ARHGAP39: variants seen among roughly 807,000 people sequenced by gnomAD.
The protein encoded by ARHGAP39 is rho GTPase-activating protein 39.
In ARHGAP39, 44 loss-of-function variants were observed where a neutral mutation model predicts 106.9. That is an observed-to-expected ratio of 0.41 (90% CI 0.32 to 0.53). The LOEUF is 0.53. Ranked by LOEUF, ARHGAP39 falls within the 20% of genes least tolerant of loss-of-function variation. The pLI is 0.21. For missense variants in ARHGAP39, 1,496 were observed against 1,577.3 expected (o/e 0.95, Z 0.87); for synonymous variants, 768 against 693.2 (o/e 1.11, Z -1.69).
chr8:144,541,365 G>A (rs1235177205), intron 6 of ARHGAP39, among the ~76,000 whole-genome samples: 3 of 151,914 alleles, frequency 2.0e-5, no homozygotes, highest in Non-Finnish European at 4.4e-5. Flanking sequence ...CTTTTTCTTT[G>A]TGTTTTTAAA....
intron 1 of ARHGAP39, among the ~76,000 whole-genome samples, chr8:144,656,194 G>GAAAAAAAA (rs58292458): frequency 9.7e-6 from 1 of 103,558 alleles, no homozygotes. Flanking sequence ...AGCAAATAAG[G>GAAAAAAAA]AAAAAAAAAA....
intron 2 of ARHGAP39, among the ~76,000 whole-genome samples, chr8:144,593,380 G>A (rs1174644060): frequency 6.6e-6 from 1 of 152,118 alleles, no homozygotes; most frequent in Non-Finnish European, 1.5e-5. Flanking sequence ...ACGTCTACCT[G>A]CAAACAAATG....
chr8:144,694,605 G>A, the ARHGAP39 span, among the ~76,000 whole-genome samples: 1 of 152,212 alleles, frequency 6.6e-6, no homozygotes, highest in South Asian at 2.1e-4. Context: ...CCAGATCTCT[G>A]GCTTTTAACA....
intron 3 of ARHGAP39, among the ~76,000 whole-genome samples, chr8:144,561,264 CCCAGTGGTTTCCATCACACT>C (rs1818136350): frequency 2.3e-5 from 3 of 129,508 alleles, no homozygotes; most frequent in Admixed American, 7.1e-5. Flanking sequence ...TCCATCAGAC[CCCAGTGGTTTCCATCACACT>C]CCAGTGGTTT....
chr8:144,638,402 T>C (rs1821229249), intron 1 of ARHGAP39, among the ~76,000 whole-genome samples: 1 of 152,250 alleles, frequency 6.6e-6, no homozygotes. Context: ...CTTTCATCAG[T>C]TACAAAATAT....
At chr8:144,663,768 C>T (rs1312616563) in intron 1 of ARHGAP39, among the ~76,000 whole-genome samples, 1 of 152,220 alleles carries the variant, frequency 6.6e-6, no homozygotes, top group Non-Finnish European at 1.5e-5. Flanking sequence ...TCCAATACTT[C>T]AGGCTCATAA....
chr8:144,562,966 T>C (rs1383153094), intron 3 of ARHGAP39, among the ~76,000 whole-genome samples: 1 of 152,284 alleles, frequency 6.6e-6, no homozygotes, highest in Admixed American at 6.5e-5. Flanking sequence ...GGAGTCAATA[T>C]TGAGCTTGAA....
At chr8:144,675,192 CCAA>C (rs1563733599) in intron 1 of ARHGAP39, among the ~76,000 whole-genome samples, 3 of 152,208 alleles carry the variant, frequency 2.0e-5, no homozygotes, top group Non-Finnish European at 2.9e-5. Context: ...AGACAAGCCA[CCAA>C]TGCCATTAGA....
intron 1 of ARHGAP39, among the ~76,000 whole-genome samples, chr8:144,649,297 C>T (rs547990156): frequency 8.6e-5 from 13 of 151,140 alleles, no homozygotes; most frequent in Admixed American, 8.6e-4. Flanking sequence ...AAAAAAAAAA[C>T]CAATTAGCCA....
intron 1 of ARHGAP39, among the ~76,000 whole-genome samples, chr8:144,632,771 A>G (rs1161037544): frequency 6.6e-6 from 1 of 152,262 alleles, no homozygotes; most frequent in Non-Finnish European, 1.5e-5. Context: ...CATTTCTCAC[A>G]GACCCAAACC....
At chr8:144,601,476 G>A (rs538004058) in intron 2 of ARHGAP39, among the ~76,000 whole-genome samples, 128 of 141,328 alleles carry the variant, frequency 9.1e-4, no homozygotes, top group African/African-American at 2.8e-3. Flanking sequence ...GTGTGTGTGC[G>A]AGCTCATGTA....
chr8:144,562,556 G>C (rs1410312207), intron 3 of ARHGAP39, among the ~76,000 whole-genome samples: 1 of 147,670 alleles, frequency 6.8e-6, no homozygotes, highest in African/African-American at 2.6e-5. Flanking sequence ...TCACACTCCA[G>C]TGGTTTCCAT....
intron 4 of ARHGAP39, among the ~76,000 whole-genome samples, chr8:144,555,239 G>A (rs548406180): frequency 6.6e-6 from 1 of 152,370 alleles, no homozygotes; most frequent in African/African-American, 2.4e-5. Flanking sequence ...TGGCACGTGT[G>A]GCCTGAGATG....
chr8:144,620,027 T>C (rs1563711849), intron 1 of ARHGAP39, among the ~76,000 whole-genome samples: 1 of 145,850 alleles, frequency 6.9e-6, no homozygotes, highest in Admixed American at 6.8e-5. Context: ...CCTGACAGTG[T>C]GTGCCGGTGT....
At position 144,548,499 on chromosome 8, in the gene ARHGAP39, G is replaced by C. The variant is rs1337449532; in HGVS notation, c.597-10C>G. On this transcript the variant is annotated splice_polypyrimidine_tract_variant and intron_variant, in intron 4 of 11. Transcript: ENST00000377307. The surrounding 1 kb of genome is among the most constrained non-coding windows in gnomAD (Gnocchi z 7.4). Reference sequence around the variant, plus strand: ...CCGCAGCGAGGAGGTCCTGCGTGGGGGGTGGACGGGCACAGGTGACTGCCT... The same window carrying C: ...CCGCAGCGAGGAGGTCCTGCGTGGGCGGTGGACGGGCACAGGTGACTGCCT... The C allele has an allele frequency of 1.2e-6, 2 of 1,604,768 alleles. No homozygotes were observed. The highest frequency in any genetic ancestry group is 2.2e-5 in the East Asian group (1 of 44,796).
In ARHGAP39 at chr8:144,646,049, G is replaced by T. The variant is rs113890941; in HGVS notation, c.-82+39637C>A. 0.032 allele frequency among the ~76,000 whole-genome samples: 4,869 copies of T among 152,294 alleles called. 230 individuals carry two copies. The highest frequency in any genetic ancestry group is 0.11 in the African/African-American group (4,479 of 41,542). On this transcript the variant is annotated intron_variant, in intron 1 of 11. Coordinates refer to ENST00000377307, the MANE Select transcript of ARHGAP39 (RefSeq NM_025251.3). The surrounding 1 kb of genome is among the most constrained non-coding windows in gnomAD (Gnocchi z 5.7). ...CATTGAACACACCACCACCTGACCA[G>T]CAACCACCTGCTGGGCGTCCCCCGG...
chr8:144,632,859 T>C (rs572145477), intron 1 of ARHGAP39, among the ~76,000 whole-genome samples: 1 of 152,354 alleles, frequency 6.6e-6, no homozygotes, highest in East Asian at 1.9e-4. Context: ...ACAATCAAGA[T>C]ATATTTTACT....
At chr8:144,656,297 A>C (rs1028055793) in intron 1 of ARHGAP39, among the ~76,000 whole-genome samples, 1 of 151,976 alleles carries the variant, frequency 6.6e-6, no homozygotes, top group Non-Finnish European at 1.5e-5. Context: ...GTTCAAAACC[A>C]CCCTGCTCAA....
chr8:144,682,548 CA>C (rs1041779842), intron 1 of ARHGAP39, among the ~76,000 whole-genome samples: 5,449 of 70,198 alleles, frequency 0.078, 260 homozygotes, highest in African/African-American at 0.2. Context: ...GACTCTGTCT[CA>C]AAAAAAAAAA....
Sources: allele counts gnomAD v4.1 joint callset (sites outside exome capture counted in the v4.1 genomes callset), GRCh38; gene constraint gnomAD v4.1.1; non-coding constraint Gnocchi (gnomAD v3.1); transcripts MANE v1.5; gene names NCBI Gene and HGNC (gene_info 2026-07-23, HGNC 2026-07-21).